Variants in MITF observed in about 807,000 individuals in gnomAD.
MITF encodes the protein melanocyte inducing transcription factor, also known as microphthalmia-associated transcription factor.
In MITF, 17 loss-of-function variants were observed where a neutral mutation model predicts 60.5. That is an observed-to-expected ratio of 0.28 (90% CI 0.19 to 0.42). MITF has a LOEUF of 0.42. Ranked by LOEUF, MITF falls within the 10% of genes least tolerant of loss-of-function variation. The probability of loss-of-function intolerance (pLI) is 1.00; values close to 1 mark genes in which losing one functional copy is unlikely to be tolerated. For missense variants in MITF, 622 were observed against 683.5 expected (o/e 0.91, Z 1.00); for synonymous variants, 260 against 248.5 (o/e 1.05, Z -0.43).
intron 2 of MITF, among the ~76,000 whole-genome samples, chr3:69,927,390 G>A (rs540170278): frequency 6.6e-6 from 1 of 152,148 alleles, no homozygotes; most frequent in African/African-American, 2.4e-5. Context: ...ACAAGGGCAG[G>A]GAGAGCATTA....
intron 9 of MITF, among the ~76,000 whole-genome samples, chr3:69,959,640 C>T (rs957812917): frequency 9.2e-5 from 14 of 152,148 alleles, no homozygotes; most frequent in African/African-American, 2.9e-4. Context: ...CAGAGTGGCA[C>T]GTTTGAGCTG....
At chr3:69,951,212 C>T (rs989495565) in intron 6 of MITF, among the ~76,000 whole-genome samples, 9 of 151,482 alleles carry the variant, frequency 5.9e-5, no homozygotes, top group African/African-American at 2.2e-4. Flanking sequence ...ATCCTCCCAC[C>T]TCAGCCTCCC....
At chr3:69,824,540 G>A (rs1452850798) in intron 1 of MITF, among the ~76,000 whole-genome samples, 1 of 152,194 alleles carries the variant, frequency 6.6e-6, no homozygotes, top group Non-Finnish European at 1.5e-5. Context: ...AGAAGTCACA[G>A]GAAGAAGGGG....
intron 1 of MITF, among the ~76,000 whole-genome samples, chr3:69,774,942 A>G (rs78356356): frequency 0.03 from 4,507 of 152,196 alleles, 105 homozygotes; most frequent in Non-Finnish European, 0.039. Flanking sequence ...TGACTTTCAC[A>G]TTGCATTGCT....
At position 69,739,518 on chromosome 3, in the gene MITF, G is replaced by C; in HGVS notation, c.-80G>C. Reference sequence around the variant, plus strand: ...CTGCGCCGGGGCGCACGGCTCGGGGGACCCAGGCCCAGCTACCTTCCCTCC... The same window carrying C: ...CTGCGCCGGGGCGCACGGCTCGGGGCACCCAGGCCCAGCTACCTTCCCTCC... On this transcript the variant is annotated 5_prime_UTR_variant, in exon 1 of 10. Coordinates refer to ENST00000352241, the MANE Select transcript of MITF (RefSeq NM_001354604.2). The C allele has an allele frequency of 7.6e-7, 1 of 1,315,202 alleles. No individual in the cohort carries two copies. The highest frequency in any genetic ancestry group is 1.1e-6 in the Non-Finnish European group (1 of 933,152). 81.5% of individuals were successfully genotyped at this position (1,315,202 alleles called of 1,614,324 possible). A position where few individuals can be genotyped will look rare whatever the true frequency, so the allele number is the denominator to read the frequency against.
At chr3:69,878,905 C>A (rs1214540084) in intron 1 of MITF, among the ~76,000 whole-genome samples, 1 of 151,946 alleles carries the variant, frequency 6.6e-6, no homozygotes, top group Non-Finnish European at 1.5e-5. Context: ...AATTAAGCCG[C>A]CTGATAAAAA....
chr3:69,869,908 C>T (rs2064191461), intron 1 of MITF, among the ~76,000 whole-genome samples: 1 of 152,028 alleles, frequency 6.6e-6, no homozygotes, highest in Non-Finnish European at 1.5e-5. Flanking sequence ...ATGTCCTTCT[C>T]CAGCTGAGGA....
chr3:69,811,908 A>T (rs532019983), intron 1 of MITF, among the ~76,000 whole-genome samples: 2 of 152,200 alleles, frequency 1.3e-5, no homozygotes, highest in East Asian at 3.9e-4. Context: ...CGGACAGGAG[A>T]GCTTTGTCCC....
At chr3:69,928,727 T>C (rs1289004167) in intron 2 of MITF, among the ~76,000 whole-genome samples, 2 of 152,188 alleles carry the variant, frequency 1.3e-5, no homozygotes, top group African/African-American at 2.4e-5. Flanking sequence ...TTTTTCATCA[T>C]TGGTGACAAA....
At chr3:69,851,201 C>A (rs1429668107) in intron 1 of MITF, among the ~76,000 whole-genome samples, 3 of 152,186 alleles carry the variant, frequency 2.0e-5, no homozygotes, top group African/African-American at 7.2e-5. Flanking sequence ...AATCTCTTTA[C>A]AGAAAATATA....
chr3:69,802,118 C>A (rs1056126242), intron 1 of MITF, among the ~76,000 whole-genome samples: 15 of 152,164 alleles, frequency 9.9e-5, no homozygotes, highest in Non-Finnish European at 1.6e-4. Flanking sequence ...AGAGCAGTGG[C>A]TCTCACCTGA....
At chr3:69,920,658 C>G (rs962490702) in intron 2 of MITF, among the ~76,000 whole-genome samples, 2 of 152,174 alleles carry the variant, frequency 1.3e-5, no homozygotes, top group Non-Finnish European at 1.5e-5. Flanking sequence ...CCTTACCTAT[C>G]ATTGGAGATG....
At position 69,879,710 on chromosome 3, in the gene MITF, T is replaced by C. The variant is rs9837137; in HGVS notation, c.354+327T>C. ...CTGAGGTGGGCCTCTTCTGATAATT[T>C]GTGTATCTTAAATATTTTTCTCTTA... On this transcript the variant is annotated intron_variant, in intron 2 of 9. Coordinates refer to ENST00000352241, the MANE Select transcript of MITF (RefSeq NM_001354604.2). 0.042 allele frequency among the ~76,000 whole-genome samples: 6,346 copies of C among 152,306 alleles called. 313 individuals carry two copies. Among genetic ancestry groups the C allele is most frequent in the African/African-American group, 0.12 (4,910 of 41,548 alleles).
chr3:69,769,994 G>T (rs886198673), intron 1 of MITF, among the ~76,000 whole-genome samples: 1 of 152,122 alleles, frequency 6.6e-6, no homozygotes, highest in African/African-American at 2.4e-5. Flanking sequence ...GCTAAATCTA[G>T]CAATGCTAGT....
At chr3:69,869,866 C>T (rs905027219) in intron 1 of MITF, among the ~76,000 whole-genome samples, 4 of 152,098 alleles carry the variant, frequency 2.6e-5, no homozygotes, top group East Asian at 1.9e-4. Context: ...TCCTCCTGCT[C>T]GTATGACTCA....
At chr3:69,792,391 C>G (rs1160167019) in intron 1 of MITF, among the ~76,000 whole-genome samples, 1 of 151,612 alleles carries the variant, frequency 6.6e-6, no homozygotes. Flanking sequence ...TTTCTTTCCT[C>G]TCTCATCTCC....
chr3:69,823,564 A>G (rs1231631955), intron 1 of MITF, among the ~76,000 whole-genome samples: 1 of 152,184 alleles, frequency 6.6e-6, no homozygotes, highest in Admixed American at 6.5e-5. Flanking sequence ...CCACCACCGA[A>G]TATCATCATA....
intron 1 of MITF, among the ~76,000 whole-genome samples, chr3:69,826,894 T>G (rs1257568740): frequency 6.6e-6 from 1 of 152,204 alleles, no homozygotes; most frequent in African/African-American, 2.4e-5. Flanking sequence ...CTGCACATGC[T>G]TTATCTTTGG....
chr3:69,777,839 A>G (rs1193959730), intron 1 of MITF, among the ~76,000 whole-genome samples: 1 of 152,182 alleles, frequency 6.6e-6, no homozygotes, highest in Non-Finnish European at 1.5e-5. Flanking sequence ...GGGCCATAGA[A>G]TGAAGTACTT....
Sources: gnomAD v4.1 joint callset for allele counts (sites outside exome capture counted in the v4.1 genomes callset) on GRCh38, gnomAD v4.1.1 for gene constraint, MANE v1.5 for transcripts, NCBI Gene and HGNC (gene_info 2026-07-23, HGNC 2026-07-21) for gene names.